The following GNAZ variants were observed in gnomAD, a reference collection of about 807,000 sequenced individuals.
GNAZ encodes guanine nucleotide-binding protein G(z) subunit alpha.
A neutral mutation model predicts 25.4 loss-of-function variants in GNAZ; 3 were observed. That is an observed-to-expected ratio of 0.12 (90% CI 0.05 to 0.30). GNAZ has a LOEUF of 0.30. Among genes scored for constraint, GNAZ ranks in the 10% least tolerant of loss-of-function variants. The pLI is 1.00. For missense variants in GNAZ, 241 were observed against 501.8 expected (o/e 0.48, Z 4.97); for synonymous variants, 211 against 205.7 (o/e 1.03, Z -0.22).
chr22:23,086,297 C>T (rs1004356197), intron 1 of GNAZ, among the ~76,000 whole-genome samples: 4 of 152,198 alleles, frequency 2.6e-5, no homozygotes, highest in African/African-American at 7.2e-5. Flanking sequence ...CAGGCCACCC[C>T]GGGAAATCAC....
At chr22:23,087,607 T>A (rs1390770658) in intron 1 of GNAZ, among the ~76,000 whole-genome samples, 1 of 152,216 alleles carries the variant, frequency 6.6e-6, no homozygotes, top group Non-Finnish European at 1.5e-5. Flanking sequence ...ATTACTCAAA[T>A]CAGTCTCCTG....
chr22:23,117,939 C>G (rs1458883927), intron 2 of GNAZ, among the ~76,000 whole-genome samples: 2 of 152,224 alleles, frequency 1.3e-5, no homozygotes, highest in Non-Finnish European at 2.9e-5. Context: ...GCCCCGGCCG[C>G]TGACCTGGGA....
intron 1 of GNAZ, among the ~76,000 whole-genome samples, chr22:23,090,696 C>T: frequency 6.6e-6 from 1 of 152,208 alleles, no homozygotes; most frequent in Non-Finnish European, 1.5e-5. Context: ...ATACTCATCT[C>T]TTACCAGGAG....
In GNAZ at chr22:23,095,608, CTT is replaced by C; in HGVS notation, c.-87_-86del. 1 of 1,455,054 alleles carries C rather than the reference CTT, an allele frequency of 6.9e-7. No individual in the cohort carries two copies. The highest frequency in any genetic ancestry group is 9.2e-7 in the Non-Finnish European group (1 of 1,085,854). The allele number at this position is 1,455,054 out of a possible 1,614,324, so 90.1% of individuals were successfully genotyped here. ...TGAGTGCCTCCAGGGCAGCTGGGCT[CTT>C]GTCTGCCTGGTCTCAGTGTCCCCTG... On this transcript the variant is annotated 5_prime_UTR_variant, in exon 2 of 3. Coordinates refer to ENST00000615612, the MANE Select transcript of GNAZ (RefSeq NM_002073.4).
chr22:23,074,716 C>T (rs953416900), intron 1 of GNAZ, among the ~76,000 whole-genome samples: 5 of 152,128 alleles, frequency 3.3e-5, no homozygotes, highest in Admixed American at 2.0e-4. Flanking sequence ...TGAGGATTGA[C>T]GGGCAAGTGA....
rs1331581582 is a variant in GNAZ, at chr22:23,095,507, G to A, written c.-189G>A. 1 of 638,030 alleles carries A rather than the reference G, an allele frequency of 1.6e-6. No homozygotes were observed. Among genetic ancestry groups the A allele is most frequent in the Non-Finnish European group, 2.7e-6 (1 of 373,062 alleles). 39.5% of individuals were successfully genotyped at this position (638,030 alleles called of 1,614,324 possible). On this transcript the variant is annotated 5_prime_UTR_variant, in exon 2 of 3. Transcript: ENST00000615612. Reference sequence around the variant, plus strand: ...AGGGGCGGCCACCGCCCGCTGCACAGAGCGCCATGCCGGCTGGAGAAGAGG... The same window carrying A: ...AGGGGCGGCCACCGCCCGCTGCACAAAGCGCCATGCCGGCTGGAGAAGAGG...
chr22:23,114,062 C>T (rs1210709267), intron 2 of GNAZ, among the ~76,000 whole-genome samples: 1 of 152,212 alleles, frequency 6.6e-6, no homozygotes, highest in East Asian at 1.9e-4. Flanking sequence ...CAGCATGAAG[C>T]TCATCTCTGT....
At position 23,124,491 on chromosome 22, in the gene GNAZ, G is replaced by T; in HGVS notation, c.*1060G>T. The stretch of plus-strand genomic sequence containing the variant: ...CTGCAGTGTCCTCTTGTTAATGGTG[G>T]GGTTTTCTGCTTTGTTTTTATTTAA... On this transcript the variant is annotated 3_prime_UTR_variant, in exon 3 of 3. Coordinates refer to ENST00000615612, the MANE Select transcript of GNAZ (RefSeq NM_002073.4). 2.6e-6 allele frequency: 1 copy of T among 390,614 alleles called. No individual in the cohort carries two copies. The highest frequency in any genetic ancestry group is 5.5e-6 in the Non-Finnish European group (1 of 183,352). The allele number at this position is 390,614 out of a possible 1,614,324, so 24.2% of individuals were successfully genotyped here.
intron 1 of GNAZ, among the ~76,000 whole-genome samples, chr22:23,074,264 A>T (rs1458190201): frequency 6.6e-6 from 1 of 152,170 alleles, no homozygotes. Context: ...GCTGGGGGCC[A>T]TGAGGGGCTA....
intron 2 of GNAZ, 52 bp from the exon 3 acceptor site, chr22:23,123,035 C>G: frequency 8.2e-7 from 1 of 1,222,706 alleles, no homozygotes. Flanking sequence ...GGTCTAGGGT[C>G]TGTCTCTGCC....
At chr22:23,106,938 C>A (rs895606591) in intron 2 of GNAZ, among the ~76,000 whole-genome samples, 1 of 152,186 alleles carries the variant, frequency 6.6e-6, no homozygotes, top group African/African-American at 2.4e-5. Flanking sequence ...CCACACTGCA[C>A]ACACAGGGAA....
rs11703490 is a variant in GNAZ at position 23,124,782 on chromosome 22, A to G, written c.*1351A>G. The G allele has an allele frequency of 0.011, 1,824 of 158,696 alleles. 17 individuals carry two copies. The highest frequency in any genetic ancestry group is 0.018 in the Non-Finnish European group (1,292 of 71,720). 9.8% of individuals were successfully genotyped at this position (158,696 alleles called of 1,614,324 possible). ...TCTGGGCCTTCCTGTCCCAGGGCCT[A>G]TGGGCAACTGCGTTGAAAGGACGTT... On this transcript the variant is annotated 3_prime_UTR_variant, in exon 3 of 3. Transcript: ENST00000615612.
At chr22:23,108,095 G>A (rs371077199) in intron 2 of GNAZ, among the ~76,000 whole-genome samples, 1 of 152,222 alleles carries the variant, frequency 6.6e-6, no homozygotes, top group East Asian at 1.9e-4. Context: ...GCCAGGAGCA[G>A]GTGCATCTGT....
chr22:23,110,518 T>C (rs2069614625), intron 2 of GNAZ, among the ~76,000 whole-genome samples: 2 of 152,192 alleles, frequency 1.3e-5, no homozygotes, highest in Non-Finnish European at 2.9e-5. Context: ...AGGCAGGTCC[T>C]TAAAGAGACA....
rs188700100 is a variant in GNAZ, at chr22:23,119,211, G to T, written c.724-3876G>T. ...AGAGTGCAGGCACCGCTGTGACACA[G>T]GCTCCCGAGGTCACCAGGCAAGCAC... On this transcript the variant is annotated intron_variant, in intron 2 of 2. Transcript: ENST00000615612. Among the ~76,000 whole-genome samples the T allele has an allele frequency of 8.0e-4, 122 of 152,346 alleles. 2 individuals carry two copies. In the Middle Eastern group the frequency reaches 0.017, roughly 21 times the overall value.
chr22:23,098,262 C>T (rs1022529343), intron 2 of GNAZ, among the ~76,000 whole-genome samples: 2 of 152,254 alleles, frequency 1.3e-5, no homozygotes, highest in East Asian at 1.9e-4. Context: ...CCCTGCCTCT[C>T]GTACCCCTGC....
chr22:23,114,814 C>T (rs761531480), intron 2 of GNAZ, among the ~76,000 whole-genome samples: 7 of 152,230 alleles, frequency 4.6e-5, no homozygotes, highest in Admixed American at 1.3e-4. Context: ...TTCCCTCCTG[C>T]CTGTCCTCAC....
chr22:23,079,600 G>A (rs1446016784), intron 1 of GNAZ, among the ~76,000 whole-genome samples: 1 of 152,204 alleles, frequency 6.6e-6, no homozygotes, highest in Non-Finnish European at 1.5e-5. Flanking sequence ...GCACAAGTGA[G>A]ACATACTCTG....
chr22:23,080,685 AAC>A (rs2068651862), intron 1 of GNAZ, among the ~76,000 whole-genome samples: 2 of 152,250 alleles, frequency 1.3e-5, no homozygotes, highest in African/African-American at 4.8e-5. Context: ...AGAGCCCACA[AAC>A]ACGGAGTCAC....
Sources: allele counts gnomAD v4.1 joint callset (sites outside exome capture counted in the v4.1 genomes callset), GRCh38; gene constraint gnomAD v4.1.1; transcripts MANE v1.5; gene names NCBI Gene and HGNC (gene_info 2026-07-23, HGNC 2026-07-21).